The following PITPNA variants were observed in gnomAD, a reference collection of about 807,000 sequenced individuals.
PITPNA encodes the protein phosphatidylinositol transfer protein alpha isoform.
PITPNA carries 13 observed loss-of-function variants against 50.3 expected under a neutral mutation model. The ratio of observed to expected loss-of-function variants is 0.26; its 90% CI spans 0.17 to 0.41. The LOEUF (loss-of-function observed/expected upper bound fraction) is 0.41. Ranked by LOEUF, PITPNA falls within the 10% of genes least tolerant of loss-of-function variation. PITPNA has a pLI of 1.00. For synonymous variants in PITPNA, 120 were observed against 119.6 expected (o/e 1.00, Z -0.02); for missense variants, 207 against 333.4 (o/e 0.62, Z 2.95).
chr17:1,550,053 A>C (rs1184535161), intron 3 of PITPNA, among the ~76,000 whole-genome samples: 1 of 152,194 alleles, frequency 6.6e-6, no homozygotes, highest in African/African-American at 2.4e-5. Flanking sequence ...CCTCAGGCCT[A>C]AGAAAGAAGA....
chr17:1,527,072 T>C (rs2075552251), intron 10 of PITPNA, among the ~76,000 whole-genome samples: 1 of 151,596 alleles, frequency 6.6e-6, no homozygotes, highest in Non-Finnish European at 1.5e-5. Context: ...ACTTCAGTCT[T>C]ACAATGATCT....
intron 5 of PITPNA, 163 bp from the exon 6 acceptor site, chr17:1,541,803 G>C (rs751620284): frequency 2.8e-6 from 2 of 705,402 alleles, no homozygotes; most frequent in East Asian, 5.5e-5. Context: ...CGACACACTA[G>C]GCATGTATTA....
chr17:1,541,488 C>T, intron 6 of PITPNA, 78 bp downstream of exon 6: 4 of 1,016,970 alleles, frequency 3.9e-6, no homozygotes, highest in Non-Finnish European at 6.3e-6. Flanking sequence ...ACAGAGAGGA[C>T]CCCATGGTAG....
At position 1,523,505 on chromosome 17, in the gene PITPNA, C is replaced by CTTTT. The variant is rs11401118; in HGVS notation, c.769-1864_769-1861dup. On this transcript the variant is annotated intron_variant, in intron 10 of 11. Transcript: ENST00000313486. ...TACAGGCATGTGCCACCACGCCTGGCTTTTTTTTTTTTTTTTTTTGAGACA... is the reference window on the plus strand; with the variant it reads ...TACAGGCATGTGCCACCACGCCTGGCTTTTTTTTTTTTTTTTTTTTTTTGAGACA... 3.2e-4 allele frequency among the ~76,000 whole-genome samples: 38 copies of CTTTT among 117,386 alleles called. 1 individual carries two copies. The highest frequency in any genetic ancestry group is 1.0e-3 in the African/African-American group (31 of 30,898). 77.0% of individuals were successfully genotyped at this position (117,386 alleles called of 152,430 possible). A position where few individuals can be genotyped will look rare whatever the true frequency, so the allele number is the denominator to read the frequency against.
At chr17:1,539,038 T>A in intron 6 of PITPNA, 86 bp from the exon 7 acceptor site, 1 of 760,854 alleles carries the variant, frequency 1.3e-6, no homozygotes, top group Non-Finnish European at 2.3e-6. Context: ...GGAACTGCCA[T>A]TCCCATAGCC....
intron 10 of PITPNA, among the ~76,000 whole-genome samples, chr17:1,533,009 C>T (rs2075593705): frequency 6.6e-6 from 1 of 152,200 alleles, no homozygotes. Context: ...GTGAAGCAGA[C>T]ACCGTCCGTG....
intron 6 of PITPNA, 143 bp downstream of exon 6, chr17:1,541,422 TG>T: frequency 1.5e-6 from 1 of 657,022 alleles, no homozygotes; most frequent in Non-Finnish European, 2.7e-6. Flanking sequence ...AATCCCATGC[TG>T]GTAAGATAGG....
chr17:1,544,481 A>C (rs2075663224), intron 4 of PITPNA, among the ~76,000 whole-genome samples: 1 of 152,156 alleles, frequency 6.6e-6, no homozygotes, highest in African/African-American at 2.4e-5. Flanking sequence ...GTGATCAAAC[A>C]ATCCTCCCCA....
chr17:1,549,693 T>C lies in PITPNA; in HGVS notation c.198-1306A>G, dbSNP rs573416909. Among the ~76,000 whole-genome samples the C allele has an allele frequency of 1.4e-5, 2 of 144,416 alleles. 1 individual carries two copies. Among genetic ancestry groups the C allele is most frequent in the South Asian group, 4.3e-4 (2 of 4,610 alleles). 94.7% of individuals were successfully genotyped at this position (144,416 alleles called of 152,430 possible). A position where few individuals can be genotyped will look rare whatever the true frequency, so the allele number is the denominator to read the frequency against. ...CTTTTTTTTGTTTGTTTTTGTTTTT[T>C]GAGATGGAGCCTTGCTCTGTCGCCA... is the stretch of plus-strand genomic sequence containing the variant. On this transcript the variant is annotated intron_variant, in intron 3 of 11. Transcript: ENST00000313486.
At chr17:1,524,004 G>C (rs1023774776) in intron 10 of PITPNA, among the ~76,000 whole-genome samples, 2 of 150,774 alleles carry the variant, frequency 1.3e-5, no homozygotes, top group Admixed American at 6.6e-5. Context: ...CCTTGAGTAA[G>C]TTACTGCAAT....
chr17:1,553,222 A>T, intron 2 of PITPNA, 73 bp from the exon 3 acceptor site: 5 of 1,519,204 alleles, frequency 3.3e-6, no homozygotes, highest in Non-Finnish European at 4.5e-6. Context: ...AGCTGCCAGT[A>T]AGTGTCTAAC....
chr17:1,530,659 C>T (rs2075575921), intron 10 of PITPNA, among the ~76,000 whole-genome samples: 1 of 152,138 alleles, frequency 6.6e-6, no homozygotes, highest in African/African-American at 2.4e-5. Flanking sequence ...GGAAGACAGG[C>T]ATCTATCTCT....
chr17:1,535,347 C>T (rs1382260350), intron 8 of PITPNA, 55 bp from the exon 9 acceptor site: 7 of 1,511,796 alleles, frequency 4.6e-6, no homozygotes, highest in Middle Eastern at 1.7e-4. Flanking sequence ...GACCTCAGGC[C>T]GTCCCCAGCT....
At chr17:1,535,834 G>C in intron 7 of PITPNA, 1 of 324,750 alleles carries the variant, frequency 3.1e-6, no homozygotes, top group Non-Finnish European at 5.7e-6. Context: ...CAGATCACCA[G>C]GGAAGACCTT....
At chr17:1,557,278 T>G (rs1259689311) in intron 2 of PITPNA, among the ~76,000 whole-genome samples, 2 of 152,016 alleles carry the variant, frequency 1.3e-5, no homozygotes, top group Non-Finnish European at 2.9e-5. Context: ...TGCCCACCCC[T>G]CTCGGGGGCC....
intron 2 of PITPNA, among the ~76,000 whole-genome samples, chr17:1,556,922 T>C (rs1416608674): frequency 6.6e-6 from 1 of 152,000 alleles, no homozygotes. Flanking sequence ...AGTGAGACCC[T>C]ATCTCCACTA....
In PITPNA at chr17:1,562,631, C is replaced by T; in HGVS notation, c.-71G>A. 1 of 1,110,122 alleles carries T rather than the reference C, an allele frequency of 9.0e-7. No individual in the cohort carries two copies. Among genetic ancestry groups the T allele is most frequent in the Non-Finnish European group, 1.1e-6 (1 of 891,156 alleles). The allele number at this position is 1,110,122 out of a possible 1,614,324, so 68.8% of individuals were successfully genotyped here. Reference sequence around the variant, plus strand: ...GCCCGCTGCCCGCCGGCCGCTCTCCCCGTGGCCCGGCCCGGCCCGGCTGCC... The same window carrying T: ...GCCCGCTGCCCGCCGGCCGCTCTCCTCGTGGCCCGGCCCGGCCCGGCTGCC... On this transcript the variant is annotated 5_prime_UTR_variant, in exon 1 of 12. Coordinates refer to ENST00000313486, the MANE Select transcript of PITPNA (RefSeq NM_006224.4). The surrounding 1 kb of genome is among the most constrained non-coding windows in gnomAD (Gnocchi z 6.4).
intron 1 of PITPNA, among the ~76,000 whole-genome samples, chr17:1,559,341 T>C (rs978627120): frequency 3.3e-5 from 5 of 152,200 alleles, no homozygotes; most frequent in South Asian, 2.1e-4. Flanking sequence ...CAGCAACCTA[T>C]TGGAGAAGCC....
At chr17:1,534,812 CA>C (rs936447936) in intron 9 of PITPNA, among the ~76,000 whole-genome samples, 5 of 152,212 alleles carry the variant, frequency 3.3e-5, no homozygotes, top group Non-Finnish European at 7.3e-5. Context: ...CCTTCCCTGT[CA>C]CATGTGGTGT....
Sources: allele counts gnomAD v4.1 joint callset (sites outside exome capture counted in the v4.1 genomes callset), GRCh38; gene constraint gnomAD v4.1.1; non-coding constraint Gnocchi (gnomAD v3.1); transcripts MANE v1.5; gene names NCBI Gene and HGNC (gene_info 2026-07-23, HGNC 2026-07-21).